Variants in COL6A5 observed in about 807,000 individuals in gnomAD.
COL6A5 encodes collagen type VI alpha 5 chain.
Under a neutral mutation model 65.6 loss-of-function variants are expected in COL6A5, and 48 were observed. The observed-to-expected ratio is 0.73, with a 90% CI of 0.58 to 0.93. The LOEUF is 0.93. COL6A5 is among the 40% of genes least tolerant of loss of function. The probability of loss-of-function intolerance (pLI) is 0.00; values close to 1 mark genes in which losing one functional copy is unlikely to be tolerated. For synonymous variants in COL6A5, 291 were observed against 322.8 expected (o/e 0.90, Z 1.05); for missense variants, 914 against 928.3 (o/e 0.98, Z 0.20).
At chr3:130,405,856 A>G (rs1000886499) in intron 14 of COL6A5, 137 bp from the exon 15 acceptor site, 2 of 961,546 alleles carry the variant, frequency 2.1e-6, no homozygotes, top group African/African-American at 3.3e-5. Context: ...GCATTAATAA[A>G]TTGCATCTCT....
intron 6 of COL6A5, among the ~76,000 whole-genome samples, chr3:130,470,397 C>T (rs1036165265): frequency 7.9e-5 from 12 of 151,890 alleles, no homozygotes; most frequent in Admixed American, 3.3e-4. Flanking sequence ...TTACACAGTT[C>T]GCAGGAATCT....
upstream of COL6A5, among the ~76,000 whole-genome samples, chr3:130,426,706 A>G (rs114098065): frequency 6.8e-3 from 1,032 of 152,236 alleles, 4 homozygotes; most frequent in Non-Finnish European, 0.011. Context: ...AACAGTTATG[A>G]GCGAAAGGAC....
rs527848330 is a variant in COL6A5, at chr3:130,396,908, G to T, written c.3569-675G>T. 3.3e-5 allele frequency among the ~76,000 whole-genome samples: 5 copies of T among 152,272 alleles called. No homozygotes were observed. The South Asian group carries it at 1.0e-3, about 32-fold the overall frequency. ...GATGGAGTCTCGCTCTGTCGCCCAG[G>T]CTGGAGTGCAGTGGCACGATCTCGG... On this transcript the variant is annotated intron_variant and NMD_transcript_variant, in intron 8 of 41. Transcript: ENST00000312481.
At chr3:130,393,079 TGTGTG>T (rs1559875860) in intron 7 of COL6A5, among the ~76,000 whole-genome samples, 8 of 31,664 alleles carry the variant, frequency 2.5e-4, no homozygotes, top group Non-Finnish European at 5.1e-4. Flanking sequence ...TTTTTTTTTG[TGTGTG>T]TGTGTGTGTG....
intron 5 of COL6A5, among the ~76,000 whole-genome samples, chr3:130,461,810 T>G (rs911852065): frequency 2.0e-5 from 3 of 151,866 alleles, no homozygotes; most frequent in Non-Finnish European, 2.9e-5. Context: ...TCCAGAGGCA[T>G]GGAGCACAGA....
At chr3:130,381,854 G>C (rs1206209176) in intron 4 of COL6A5, among the ~76,000 whole-genome samples, 1 of 152,076 alleles carries the variant, frequency 6.6e-6, no homozygotes, top group Non-Finnish European at 1.5e-5. Flanking sequence ...TCAGGAGTTT[G>C]CAATGATGCC....
intron 1 of COL6A5, among the ~76,000 whole-genome samples, chr3:130,371,988 A>G (rs1935582463): frequency 6.6e-6 from 1 of 152,162 alleles, no homozygotes; most frequent in Admixed American, 6.5e-5. Context: ...ATATTACAAC[A>G]ATAAAAGACA....
chr3:130,400,930 T>C, intron 10 of COL6A5, 101 bp from the exon 11 acceptor site: 1 of 996,054 alleles, frequency 1.0e-6, no homozygotes, highest in South Asian at 2.2e-5. Context: ...TTTCCCCTTT[T>C]CAATTCTTTA....
chr3:130,433,610 C>A (rs1359267135), intron 1 of COL6A5, among the ~76,000 whole-genome samples: 1 of 152,128 alleles, frequency 6.6e-6, no homozygotes, highest in Non-Finnish European at 1.5e-5. Flanking sequence ...CCCCCTCTCT[C>A]AATTCCCTCC....
intron 1 of COL6A5, among the ~76,000 whole-genome samples, chr3:130,354,995 T>C (rs967964120): frequency 5.9e-5 from 9 of 152,186 alleles, no homozygotes; most frequent in South Asian, 4.1e-4. Context: ...TACATAGAAA[T>C]TGTAATACTT....
exon 6 of COL6A5, chr3:130,469,470 A>C: frequency 6.2e-7 from 1 of 1,611,316 alleles, no homozygotes; most frequent in East Asian, 2.2e-5. Flanking sequence ...CCATTTGTCC[A>C]TTTAATCAGA....
Position 130,385,458 on chromosome 3 carries a change from T to C in COL6A5, c.1861+94T>C, listed in dbSNP as rs1936154599. On this transcript the variant is annotated intron_variant and NMD_transcript_variant, in intron 5 of 41. Coordinates refer to the COL6A5 transcript ENST00000312481. Reference sequence around the variant, plus strand: ...CTGAGACAAGGCCTGATGTGACCAGTTGTCCGGATAACATTTTGCTAGCTT... The same window carrying C: ...CTGAGACAAGGCCTGATGTGACCAGCTGTCCGGATAACATTTTGCTAGCTT... 5 of 1,293,762 alleles carry C rather than the reference T, an allele frequency of 3.9e-6. No homozygotes were observed. The South Asian group carries it at 6.2e-5, about 16-fold the overall frequency. The allele number at this position is 1,293,762 out of a possible 1,614,324, so 80.1% of individuals were successfully genotyped here.
At chr3:130,379,788 C>G in exon 4 of COL6A5, 1 of 1,551,378 alleles carries the variant, frequency 6.4e-7, no homozygotes, top group Non-Finnish European at 8.7e-7. Context: ...TTCTGGTCAC[C>G]CACAGACCAT....
chr3:130,346,157 A>T (rs1435878191), intron 1 of COL6A5, among the ~76,000 whole-genome samples, 176 bp downstream of exon 1: 3 of 152,242 alleles, frequency 2.0e-5, no homozygotes, highest in Non-Finnish European at 4.4e-5. Flanking sequence ...AGGTAGACTC[A>T]GAATTCGAAA....
exon 22 of COL6A5, chr3:130,414,126 C>T (rs981342394): frequency 1.3e-6 from 2 of 1,549,050 alleles, no homozygotes; most frequent in South Asian, 2.4e-5. Flanking sequence ...ATTACAAGGC[C>T]CACAGGTGTG....
chr3:130,391,637 A>G, exon 7 of COL6A5: 1 of 1,551,642 alleles, frequency 6.4e-7, no homozygotes, highest in Non-Finnish European at 8.7e-7. Context: ...GGCCAACCAA[A>G]AGGAACTTGA....
intron 5 of COL6A5, among the ~76,000 whole-genome samples, chr3:130,461,594 A>G (rs1464970790): frequency 2.0e-5 from 3 of 152,032 alleles, no homozygotes; most frequent in Admixed American, 1.3e-4. Flanking sequence ...ACTTTTAACA[A>G]TGTATGCCAT....
chr3:130,392,623 T>C (rs1431905517), intron 7 of COL6A5, among the ~76,000 whole-genome samples: 2 of 152,200 alleles, frequency 1.3e-5, no homozygotes, highest in Non-Finnish European at 2.9e-5. Flanking sequence ...TTTCCTCCTT[T>C]ATTCCTTCCT....
chr3:130,409,118 T>C (rs1398820194), intron 17 of COL6A5, among the ~76,000 whole-genome samples: 1 of 152,100 alleles, frequency 6.6e-6, no homozygotes, highest in Non-Finnish European at 1.5e-5. Flanking sequence ...CACGAGAAGT[T>C]TTCCAGTTTC....
Sources: gnomAD v4.1 joint callset for allele counts (sites outside exome capture counted in the v4.1 genomes callset) on GRCh38, gnomAD v4.1.1 for gene constraint, MANE v1.5 for transcripts, NCBI Gene and HGNC (gene_info 2026-07-23, HGNC 2026-07-21) for gene names.